Variants in CLTC observed in about 807,000 individuals in gnomAD.
CLTC encodes the protein clathrin heavy chain, also known as clathrin heavy chain 1.
In CLTC, 16 loss-of-function variants were observed where a neutral mutation model predicts 195.8. The observed-to-expected ratio is 0.08, with a 90% CI of 0.06 to 0.12. CLTC has a LOEUF of 0.12. CLTC is among the 10% of genes least tolerant of loss of function. The pLI is 1.00. For synonymous variants in CLTC, 667 were observed against 689.4 expected (o/e 0.97, Z 0.51); for missense variants, 796 against 2,027.0 (o/e 0.39, Z 11.66).
chr17:59,685,275 G>A lies in CLTC; in HGVS notation c.4605+49G>A. The stretch of plus-strand genomic sequence containing the variant: ...GCTGTTTTAAACCAGGCCTAAAATG[G>A]TGTTACAAGTGATTATAATCTATAA... On this transcript the variant is annotated intron_variant, in intron 29 of 31. Coordinates refer to ENST00000269122, the MANE Select transcript of CLTC (RefSeq NM_004859.4). This position sits in a 1 kb window ranked among gnomAD's most constrained non-coding sequence, Gnocchi z 5.0. 1 of 1,480,054 alleles carries A rather than the reference G, an allele frequency of 6.8e-7. No homozygotes were observed. The highest frequency in any genetic ancestry group is 9.1e-7 in the Non-Finnish European group (1 of 1,095,100). The allele number at this position is 1,480,054 out of a possible 1,614,324, so 91.7% of individuals were successfully genotyped here. A position where few individuals can be genotyped will look rare whatever the true frequency, so the allele number is the denominator to read the frequency against.
rs1195931432 is a variant in CLTC, at chr17:59,687,822, A to AT, written c.4827+2016dup. Among the ~76,000 whole-genome samples the AT allele has an allele frequency of 3.3e-5, 5 of 152,212 alleles. No individual in the cohort carries two copies. The South Asian group carries it at 1.0e-3, about 32-fold the overall frequency. ...CAGTTGGCTTGTCCAAGGATGTCAA[A>AT]TTCAGGCACCTTTTGGTTGCTGCTT... is the stretch of plus-strand genomic sequence containing the variant. On this transcript the variant is annotated intron_variant, in intron 30 of 31. Transcript: ENST00000269122.
At position 59,619,962 on chromosome 17, in the gene CLTC, G is replaced by T; in HGVS notation, c.-170G>T. On this transcript the variant is annotated 5_prime_UTR_variant, in exon 1 of 32. Coordinates refer to ENST00000269122, the MANE Select transcript of CLTC (RefSeq NM_004859.4). ...GGCTCTCCTGGCCCCTGGAGCCTCC[G>T]CCCCCGACCCGAGCTCTTTCGTCTG... The T allele has an allele frequency of 1.6e-6, 1 of 606,762 alleles. No individual in the cohort carries two copies. Among genetic ancestry groups the T allele is most frequent in the South Asian group, 2.0e-5 (1 of 49,160 alleles). 37.6% of individuals were successfully genotyped at this position (606,762 alleles called of 1,614,324 possible).
At chr17:59,661,963 C>T (rs968550363) in intron 8 of CLTC, among the ~76,000 whole-genome samples, 2 of 151,946 alleles carry the variant, frequency 1.3e-5, no homozygotes, top group Middle Eastern at 3.4e-3. Flanking sequence ...ATCAGCTGGG[C>T]GTGGTGGCAG....
At chr17:59,676,061 C>T (rs1017953503) in intron 16 of CLTC, among the ~76,000 whole-genome samples, 1 of 152,162 alleles carries the variant, frequency 6.6e-6, no homozygotes, top group Non-Finnish European at 1.5e-5. Flanking sequence ...GAGGCTTGGG[C>T]CAGGCGTAGT....
Position 59,693,991 on chromosome 17 carries a change from T to C in CLTC, c.*139T>C. 1.1e-6 allele frequency: 1 copy of C among 897,440 alleles called. No individual in the cohort carries two copies. The highest frequency in any genetic ancestry group is 1.6e-6 in the Non-Finnish European group (1 of 640,052). The allele number at this position is 897,440 out of a possible 1,614,324, so 55.6% of individuals were successfully genotyped here. A position where few individuals can be genotyped will look rare whatever the true frequency, so the allele number is the denominator to read the frequency against. On this transcript the variant is annotated 3_prime_UTR_variant, in exon 32 of 32. Transcript: ENST00000269122. Reference sequence around the variant, plus strand: ...TGAAGGACTTCTTTTTGTTTCTAACTATAAACTTGGATCACCTATGTTAAA... The same window carrying C: ...TGAAGGACTTCTTTTTGTTTCTAACCATAAACTTGGATCACCTATGTTAAA...
intron 6 of CLTC, among the ~76,000 whole-genome samples, chr17:59,657,431 A>G: frequency 6.6e-6 from 1 of 152,204 alleles, no homozygotes; most frequent in East Asian, 1.9e-4. Context: ...TTAAAAATTC[A>G]GTAGCTTTCA....
intron 15 of CLTC, among the ~76,000 whole-genome samples, chr17:59,674,093 C>G (rs544453827): frequency 3.9e-5 from 6 of 152,102 alleles, no homozygotes; most frequent in African/African-American, 1.4e-4. Context: ...CAGCAGAATC[C>G]TTTCTTGGAA....
chr17:59,675,291 A>T (rs1298576214), intron 16 of CLTC, among the ~76,000 whole-genome samples: 3 of 152,198 alleles, frequency 2.0e-5, no homozygotes, highest in Non-Finnish European at 4.4e-5. Flanking sequence ...AGTTCAATTG[A>T]TATTTAATTT....
intron 13 of CLTC, among the ~76,000 whole-genome samples, chr17:59,668,338 C>CA (rs774798896): frequency 9.2e-5 from 14 of 152,174 alleles, no homozygotes; most frequent in African/African-American, 1.7e-4. Flanking sequence ...CTTGGGGCCA[C>CA]AAATTCAAGA....
intron 14 of CLTC, among the ~76,000 whole-genome samples, chr17:59,672,980 T>G (rs747193155): frequency 1.7e-4 from 26 of 152,220 alleles, no homozygotes; most frequent in Non-Finnish European, 3.4e-4. Flanking sequence ...AGTACAGGTT[T>G]TACTTACCTG....
At position 59,685,266 on chromosome 17, in the gene CLTC, C is replaced by A; in HGVS notation, c.4605+40C>A. On this transcript the variant is annotated intron_variant, in intron 29 of 31. Coordinates refer to ENST00000269122, the MANE Select transcript of CLTC (RefSeq NM_004859.4). This position sits in a 1 kb window ranked among gnomAD's most constrained non-coding sequence, Gnocchi z 5.0. ...GGGGCAGGGGCTGTTTTAAACCAGG[C>A]CTAAAATGGTGTTACAAGTGATTAT... is the stretch of plus-strand genomic sequence containing the variant. 1 of 1,521,674 alleles carries A rather than the reference C, an allele frequency of 6.6e-7. No homozygotes were observed. Among genetic ancestry groups the A allele is most frequent in the Non-Finnish European group, 8.9e-7 (1 of 1,126,002 alleles). The allele number at this position is 1,521,674 out of a possible 1,614,324, so 94.3% of individuals were successfully genotyped here.
intron 30 of CLTC, among the ~76,000 whole-genome samples, chr17:59,688,215 CTG>C (rs775109662): frequency 6.6e-6 from 1 of 152,180 alleles, no homozygotes; most frequent in Non-Finnish European, 1.5e-5. Context: ...TTGCTGTGGG[CTG>C]TGTGTGTTTC....
chr17:59,640,836 C>T lies in CLTC; in HGVS notation c.43-3440C>T, dbSNP rs560426834. On this transcript the variant is annotated intron_variant, in intron 1 of 31. Transcript: ENST00000269122. ...ACATGTGCCATTATTAAGAATTTGACACGGCTGGACGCCGTGGCTCATGCC... is the reference window on the plus strand; with the variant it reads ...ACATGTGCCATTATTAAGAATTTGATACGGCTGGACGCCGTGGCTCATGCC... 2.6e-5 allele frequency among the ~76,000 whole-genome samples: 4 copies of T among 152,038 alleles called. No individual in the cohort carries two copies. In the East Asian group the frequency reaches 7.8e-4, roughly 30 times the overall value.
chr17:59,685,669 G>A lies in CLTC; in HGVS notation c.4688G>A (p.Arg1563Lys), dbSNP rs764198483. The A allele has an allele frequency of 5.0e-6, 8 of 1,614,126 alleles. No individual in the cohort carries two copies. In the Admixed American group the frequency reaches 8.3e-5, roughly 17 times the overall value. Residue 1563 changes from arginine to lysine, a missense_variant, in exon 30 of 32, where the codon AGA becomes AAA. Physicochemically the swap from Arg to Lys is conservative, Grantham distance 26 (BLOSUM62 2). Transcript: ENST00000269122. This position sits in a 1 kb window ranked among gnomAD's most constrained non-coding sequence, Gnocchi z 5.0. ...LLQWFLQEEKRECFGACLFTC... is the reference protein window; with the variant it reads ...LLQWFLQEEKKECFGACLFTC... ...CAGTGGTTTTTGCAGGAAGAAAAAA[G>A]AGAGTGCTTTGGAGCTTGTCTGTTT...
chr17:59,664,138 T>C (rs944042289), intron 9 of CLTC, 144 bp downstream of exon 9: 2 of 695,008 alleles, frequency 2.9e-6, no homozygotes, highest in Non-Finnish European at 4.6e-6. Context: ...CTCTTACCCC[T>C]CATATCAAAT....
intron 6 of CLTC, chr17:59,656,286 C>A (rs570830293): frequency 2.1e-4 from 67 of 313,348 alleles, no homozygotes; most frequent in Non-Finnish European, 9.9e-5. Flanking sequence ...TCTCTTTAAT[C>A]CTGTCTCAGA....
rs1236320960 is a variant in CLTC at position 59,683,790 on chromosome 17, C to G, written c.4323+34C>G. 1 of 1,613,698 alleles carries G rather than the reference C, an allele frequency of 6.2e-7. No homozygotes were observed. The highest frequency in any genetic ancestry group is 1.3e-5 in the African/African-American group (1 of 74,910). ...ATAATTTTAAACCAAAGCTTCATAG[C>G]AAGGAATTAGGACATACTTCGATAA... is the stretch of plus-strand genomic sequence containing the variant. On this transcript the variant is annotated intron_variant, in intron 27 of 31. Coordinates refer to ENST00000269122, the MANE Select transcript of CLTC (RefSeq NM_004859.4). This position sits in a 1 kb window ranked among gnomAD's most constrained non-coding sequence, Gnocchi z 6.1.
intron 31 of CLTC, 137 bp downstream of exon 31, chr17:59,690,848 T>A: frequency 1.8e-6 from 1 of 542,182 alleles, no homozygotes; most frequent in Non-Finnish European, 3.2e-6. Flanking sequence ...ACTGTCTGAT[T>A]TTTTTTCTGA....
intron 31 of CLTC, among the ~76,000 whole-genome samples, chr17:59,693,382 A>ATTTT (rs1567978630): frequency 7.4e-6 from 1 of 134,230 alleles, no homozygotes; most frequent in African/African-American, 2.7e-5. Context: ...TTTTTTTTTA[A>ATTTT]AAAGTCTTTT....
Sources: gnomAD v4.1 joint callset for allele counts (sites outside exome capture counted in the v4.1 genomes callset) on GRCh38, gnomAD v4.1.1 for gene constraint, Gnocchi (gnomAD v3.1) non-coding constraint, MANE v1.5 for transcripts, NCBI Gene and HGNC (gene_info 2026-07-23, HGNC 2026-07-21) for gene names.